CALN1: variants seen among roughly 807,000 people sequenced by gnomAD.
The protein encoded by CALN1 is calneuron 1, also known as calcium-binding protein 8.
A neutral mutation model predicts 30.6 loss-of-function variants in CALN1; 17 were observed. The ratio of observed to expected loss-of-function variants is 0.56; its 90% CI spans 0.38 to 0.83. The LOEUF (loss-of-function observed/expected upper bound fraction) is 0.83. Among genes scored for constraint, CALN1 ranks in the 40% least tolerant of loss-of-function variants. The probability of loss-of-function intolerance (pLI) is 0.00; values close to 1 mark genes in which losing one functional copy is unlikely to be tolerated. For synonymous variants in CALN1, 156 were observed against 131.4 expected, an observed-to-expected ratio of 1.19 and a Z score of -1.28; for missense variants, 291 against 354.9, an observed-to-expected ratio of 0.82 and a Z score of 1.45.
At chr7:72,163,400 A>AAAC (rs1301788633) in intron 3 of CALN1, among the ~76,000 whole-genome samples, 2 of 151,394 alleles carry the variant, frequency 1.3e-5, no homozygotes, top group Non-Finnish European at 2.9e-5. Flanking sequence ...ATTAAAAAAA[A>AAAC]AAAAAAAAAA....
rs77503731 is a variant in CALN1 at position 71,995,964 on chromosome 7, A to G, written c.501+27693T>C. 1.2e-3 allele frequency among the ~76,000 whole-genome samples: 190 copies of G among 152,222 alleles called. 2 individuals carry two copies. The East Asian group carries it at 0.032, about 26-fold the overall frequency. ...TTCCTGCTTAAGAATCTCCTCCCGC[A>G]AAGAGATACACCTGCCATCTTTGCC... On this transcript the variant is annotated intron_variant, in intron 5 of 6. Transcript: ENST00000395275.
rs891126556 is a variant in CALN1 at position 72,116,128 on chromosome 7, G to A, written c.245-9834C>T. 2.0e-5 allele frequency among the ~76,000 whole-genome samples: 3 copies of A among 152,074 alleles called. No individual in the cohort carries two copies. In the South Asian group the frequency reaches 6.2e-4, roughly 32 times the overall value. On this transcript the variant is annotated intron_variant, in intron 3 of 6. Transcript: ENST00000395275. The stretch of plus-strand genomic sequence containing the variant: ...GTGATTTGCTATTTGAGGTGTGACT[G>A]CATCTATTTCAATAAATACTCATTG...
chr7:72,314,487 A>C (rs1038822856), intron 2 of CALN1, among the ~76,000 whole-genome samples: 13 of 151,156 alleles, frequency 8.6e-5, no homozygotes, highest in Admixed American at 6.6e-4. Flanking sequence ...GCAGTGGCAC[A>C]ATTTTGGCTC....
chr7:72,397,477 A>G (rs747444555), intron 2 of CALN1, among the ~76,000 whole-genome samples: 1 of 152,142 alleles, frequency 6.6e-6, no homozygotes, highest in African/African-American at 2.4e-5. Flanking sequence ...TATGATCAGG[A>G]CTTGCAGCAG....
At chr7:72,412,393 CTGCTGATTGGTCCATTTTACAGAG>C (rs1472848693), upstream of CALN1, 73 of 152,266 alleles carry the variant, frequency 4.8e-4, no homozygotes, top group Admixed American at 8.5e-4. Context: ...TGCCCATGTC[CTGCTGATTGGTCCATTTTACAGAG>C]TGCTGATTGG....
chr7:72,468,236 G>A, the CALN1 span, among the ~76,000 whole-genome samples: 1 of 152,154 alleles, frequency 6.6e-6, no homozygotes, highest in Non-Finnish European at 1.5e-5. Flanking sequence ...TTGAGTACTT[G>A]TTTTCAGTTC....
At chr7:71,832,283 A>G (rs996025642) in intron 5 of CALN1, among the ~76,000 whole-genome samples, 1 of 152,168 alleles carries the variant, frequency 6.6e-6, no homozygotes, top group Admixed American at 6.5e-5. Context: ...TACCACACCA[A>G]TGACCCTAGG....
intron 4 of CALN1, among the ~76,000 whole-genome samples, chr7:72,031,856 C>T (rs1428431134): frequency 6.6e-6 from 1 of 151,470 alleles, no homozygotes; most frequent in African/African-American, 2.4e-5. Flanking sequence ...ATTCTCCTGC[C>T]TCAGCCTCCC....
intron 3 of CALN1, among the ~76,000 whole-genome samples, chr7:72,240,999 C>T (rs1189929432): frequency 2.0e-5 from 3 of 152,190 alleles, no homozygotes; most frequent in Non-Finnish European, 4.4e-5. Context: ...ACTTACTCCC[C>T]GCATTATCAG....
chr7:72,011,989 A>G (rs940508164), intron 5 of CALN1, among the ~76,000 whole-genome samples: 3 of 152,194 alleles, frequency 2.0e-5, no homozygotes, highest in Non-Finnish European at 4.4e-5. Context: ...TACAGTTCAC[A>G]TCATACCCTA....
intron 4 of CALN1, among the ~76,000 whole-genome samples, chr7:72,083,030 G>A (rs781277452): frequency 1.3e-5 from 2 of 151,954 alleles, no homozygotes; most frequent in Non-Finnish European, 2.9e-5. Context: ...GCGAAACCCT[G>A]TCTCTATTAA....
At chr7:72,397,530 G>A (rs1167617895) in intron 2 of CALN1, among the ~76,000 whole-genome samples, 1 of 152,120 alleles carries the variant, frequency 6.6e-6, no homozygotes, top group Non-Finnish European at 1.5e-5. Context: ...AGGAGTGAAG[G>A]GGTGACTAGA....
At chr7:72,115,484 C>CTTTTTTTTTTTTT (rs71069026) in intron 3 of CALN1, among the ~76,000 whole-genome samples, 1 of 80,598 alleles carries the variant, frequency 1.2e-5, no homozygotes, top group African/African-American at 5.5e-5. Flanking sequence ...CATATACATT[C>CTTTTTTTTTTTTT]TTTTTTTTTT....
intron 5 of CALN1, among the ~76,000 whole-genome samples, chr7:71,888,386 T>C (rs1214606636): frequency 6.9e-6 from 1 of 145,962 alleles, no homozygotes; most frequent in East Asian, 2.0e-4. Flanking sequence ...GCACTAAAAG[T>C]GGGCGATTGT....
In CALN1 at chr7:71,979,869, CTTTTTT is replaced by C. The variant is rs555621436; in HGVS notation, c.501+43782_501+43787del. Among the ~76,000 whole-genome samples, 481 of 89,658 alleles carry C rather than the reference CTTTTTT, an allele frequency of 5.4e-3. 2 individuals are homozygous for C. The highest frequency in any genetic ancestry group is 0.016 in the African/African-American group (380 of 23,524). 58.8% of individuals were successfully genotyped at this position (89,658 alleles called of 152,430 possible). A position where few individuals can be genotyped will look rare whatever the true frequency, so the allele number is the denominator to read the frequency against. ...ATAAAATCTCAGACACATCAGGATT[CTTTTTT>C]TTTTTTTTTTTTTTTTTTTTGAGAC... On this transcript the variant is annotated intron_variant, in intron 5 of 6. Coordinates refer to ENST00000395275, the MANE Select transcript of CALN1 (RefSeq NM_031468.4).
chr7:72,278,678 C>G lies in CALN1; in HGVS notation c.244+8G>C. Reference sequence around the variant, plus strand: ...GGGCCATCCCCCCAAACAGGGTAGGCTCCTTACCATCGAGCTCCTCCACGG... The same window carrying G: ...GGGCCATCCCCCCAAACAGGGTAGGGTCCTTACCATCGAGCTCCTCCACGG... On this transcript the variant is annotated splice_region_variant and intron_variant, in intron 3 of 6. Transcript: ENST00000395275. 2 of 1,611,784 alleles carry G rather than the reference C, an allele frequency of 1.2e-6. No homozygotes were observed. The highest frequency in any genetic ancestry group is 1.7e-6 in the Non-Finnish European group (2 of 1,178,158).
chr7:71,930,777 A>G (rs1049241104), intron 5 of CALN1, among the ~76,000 whole-genome samples: 1 of 151,792 alleles, frequency 6.6e-6, no homozygotes, highest in Admixed American at 6.6e-5. Context: ...AGTTCCAGAA[A>G]CTCTTCTGCG....
At chr7:72,335,184 A>C (rs1039641019) in intron 2 of CALN1, among the ~76,000 whole-genome samples, 3 of 152,216 alleles carry the variant, frequency 2.0e-5, no homozygotes, top group East Asian at 3.8e-4. Flanking sequence ...AATGAAATAA[A>C]ACCACGAACA....
At chr7:72,024,960 C>T (rs76849145) in intron 4 of CALN1, among the ~76,000 whole-genome samples, 3,559 of 152,180 alleles carry the variant, frequency 0.023, 56 homozygotes, top group Non-Finnish European at 0.034. Context: ...CAGAACTGGT[C>T]GAACTTTTTT....
Sources: gnomAD v4.1 joint callset for allele counts (sites outside exome capture counted in the v4.1 genomes callset) on GRCh38, gnomAD v4.1.1 for gene constraint, MANE v1.5 for transcripts, NCBI Gene and HGNC (gene_info 2026-07-23, HGNC 2026-07-21) for gene names.